LATS1: variants seen among roughly 807,000 people sequenced by gnomAD.
The protein encoded by LATS1 is large tumor suppressor kinase 1.
In LATS1, 25 loss-of-function variants were observed where a neutral mutation model predicts 106.6. That is an observed-to-expected ratio of 0.23 (90% CI 0.17 to 0.33). The LOEUF (loss-of-function observed/expected upper bound fraction) is 0.33, where lower values mean the gene tolerates loss of function less well. Ranked by LOEUF, LATS1 falls within the 10% of genes least tolerant of loss-of-function variation. LATS1 has a pLI of 1.00. For synonymous variants in LATS1, 465 were observed against 455.6 expected (o/e 1.02, Z -0.26); for missense variants, 1,040 against 1,382.6 (o/e 0.75, Z 3.93).
intron 3 of LATS1, among the ~76,000 whole-genome samples, chr6:149,687,514 T>A (rs1782458809): frequency 6.6e-6 from 1 of 152,038 alleles, no homozygotes; most frequent in African/African-American, 2.4e-5. Context: ...ACTGCAGCCT[T>A]GAACCCCTGG....
Position 149,702,213 on chromosome 6 carries a change from C to A in LATS1, c.-87G>T. On this transcript the variant is annotated 5_prime_UTR_variant, in exon 2 of 8. It adds an upstream start codon to the 5' untranslated region. Transcript: ENST00000543571. ...CTTCTGAGCAAAAGTGAAAATGATC[C>A]TTCAAGGAAGTCCCCAGGACTGTTA... is the stretch of plus-strand genomic sequence containing the variant. The A allele has an allele frequency of 1.3e-6, 1 of 796,438 alleles. No individual in the cohort carries two copies. Among genetic ancestry groups the A allele is most frequent in the South Asian group, 1.7e-5 (1 of 57,312 alleles). The allele number at this position is 796,438 out of a possible 1,614,324, so 49.3% of individuals were successfully genotyped here.
chr6:149,684,221 G>T lies in LATS1; in HGVS notation c.868C>A (p.Pro290Thr). ...NMEYVISRIS[P>T]VPPGAWQEGY... is the part of the protein sequence containing the mutation. ...TCTTGCCATGCCCCAGGTGGGACAG[G>T]AGAGATTCGGGAGATTACGTATTCC... Residue 290 changes from proline to threonine, a missense_variant, in exon 4 of 8, where the codon CCT (proline) becomes ACT (threonine). By Grantham distance (38) the Pro-to-Thr change is conservative (BLOSUM62 -1). Coordinates refer to ENST00000543571, the MANE Select transcript of LATS1 (RefSeq NM_004690.4). The T allele has an allele frequency of 3.7e-6, 6 of 1,614,208 alleles. No homozygotes were observed. Among genetic ancestry groups the T allele is most frequent in the Non-Finnish European group, 5.1e-6 (6 of 1,180,040 alleles).
At chr6:149,699,887 A>G (rs937539998) in intron 2 of LATS1, among the ~76,000 whole-genome samples, 3 of 152,184 alleles carry the variant, frequency 2.0e-5, no homozygotes, top group Non-Finnish European at 4.4e-5. Context: ...CTTTATAGCT[A>G]TGTGATTTCA....
In LATS1 at chr6:149,662,214, G is replaced by T; in HGVS notation, c.2908C>A (p.His970Asn). 2 of 1,607,378 alleles carry T rather than the reference G, an allele frequency of 1.2e-6. No homozygotes were observed. The highest frequency in any genetic ancestry group is 1.7e-6 in the Non-Finnish European group (2 of 1,178,030). ...CTGAGTTTAGCTTGTGGTGGAATGT[G>T]AAGAGATGTTTGCCAGTTGATAACC... Reference protein sequence around the residue: ...MKVINWQTSLHIPPQAKLSPE... With the variant: ...MKVINWQTSLNIPPQAKLSPE... Residue 970 changes from histidine to asparagine, a missense_variant, in exon 8 of 8, where the codon CAC becomes AAC. By Grantham distance (68) the His-to-Asn change is moderately conservative. Transcript: ENST00000543571.
chr6:149,702,371 A>G, intron 1 of LATS1, 105 bp from the exon 2 acceptor site: 1 of 363,860 alleles, frequency 2.7e-6, no homozygotes, highest in Non-Finnish European at 4.9e-6. Context: ...TTCAGGTTAT[A>G]GTTCTGACTC....
chr6:149,708,791 T>C (rs1374759360), intron 1 of LATS1, among the ~76,000 whole-genome samples: 1 of 152,134 alleles, frequency 6.6e-6, no homozygotes, highest in Non-Finnish European at 1.5e-5. Context: ...AACATTTCTG[T>C]TGTGTTAAGC....
At chr6:149,695,425 C>A (rs1336662248) in intron 2 of LATS1, among the ~76,000 whole-genome samples, 2 of 152,114 alleles carry the variant, frequency 1.3e-5, no homozygotes, top group African/African-American at 2.4e-5. Context: ...GTGGCTCAAG[C>A]CACTTTGGGA....
chr6:149,704,719 G>GCTCA (rs1003432426), intron 1 of LATS1, among the ~76,000 whole-genome samples: 4 of 151,676 alleles, frequency 2.6e-5, no homozygotes, highest in Non-Finnish European at 5.9e-5. Context: ...GGGTTCAAGT[G>GCTCA]CTCAGGTAAG....
At chr6:149,672,732 G>C (rs1349524694) in intron 7 of LATS1, among the ~76,000 whole-genome samples, 2 of 151,918 alleles carry the variant, frequency 1.3e-5, no homozygotes, top group South Asian at 4.1e-4. Context: ...GACCACCTGA[G>C]GTCAGGAGTT....
At chr6:149,715,216 G>A (rs1246148655) in intron 1 of LATS1, among the ~76,000 whole-genome samples, 2 of 151,960 alleles carry the variant, frequency 1.3e-5, no homozygotes, top group African/African-American at 4.8e-5. Context: ...CTACAGACCC[G>A]CGCTACCACA....
intron 3 of LATS1, among the ~76,000 whole-genome samples, chr6:149,686,426 C>T (rs757480346): frequency 9.2e-5 from 14 of 152,122 alleles, no homozygotes; most frequent in African/African-American, 2.7e-4. Context: ...TGTTGTTCTG[C>T]GCCTCCCACA....
Position 149,672,957 on chromosome 6 carries a change from A to G in LATS1, c.2883+3303T>C, listed in dbSNP as rs114696277. Among the ~76,000 whole-genome samples the G allele has an allele frequency of 1.2e-3, 180 of 152,034 alleles. 1 individual carries two copies. The highest frequency in any genetic ancestry group is 3.4e-3 in the African/African-American group (140 of 41,356). On this transcript the variant is annotated intron_variant, in intron 7 of 7. Transcript: ENST00000543571. ...GAAACTCTGTTTCAAAAAAAACAACAACGAAGAAATGGATAGATTTTATGT... is the reference window on the plus strand; with the variant it reads ...GAAACTCTGTTTCAAAAAAAACAACGACGAAGAAATGGATAGATTTTATGT...
intron 3 of LATS1, among the ~76,000 whole-genome samples, chr6:149,685,065 A>G (rs1253368760): frequency 6.6e-6 from 1 of 151,656 alleles, no homozygotes; most frequent in Non-Finnish European, 1.5e-5. Flanking sequence ...GTGAAACTCC[A>G]TTTCTACTAA....
intron 1 of LATS1, among the ~76,000 whole-genome samples, chr6:149,709,673 T>TGC: frequency 7.1e-6 from 1 of 141,492 alleles, no homozygotes; most frequent in East Asian, 2.1e-4. Flanking sequence ...CTTATCTTTT[T>TGC]TTTTTTTTTT....
rs1284660672 is a variant in LATS1, at chr6:149,683,442, A to C, written c.1647T>G (p.Ala549=). 2 of 1,614,082 alleles carry C rather than the reference A, an allele frequency of 1.2e-6. No homozygotes were observed. The change falls in exon 4 of 8, where the codon GCT becomes GCG. Residue 549 remains alanine, a synonymous_variant. Transcript: ENST00000543571. ...NVTVMPPVAE[A]PNYQGPPPPY... is the part of the protein sequence containing the mutation. ...GTGGTGGTGGTCCTTGATAGTTTGGAGCTTCAGCAACAGGTGGCATCACAG... is the reference window on the plus strand; with the variant it reads ...GTGGTGGTGGTCCTTGATAGTTTGGCGCTTCAGCAACAGGTGGCATCACAG...
At chr6:149,716,436 A>G (rs4870529) in intron 1 of LATS1, 70,335 of 152,122 alleles carry the variant, frequency 0.46, 17,590 homozygotes, top group East Asian at 0.81. Flanking sequence ...GTTCCTACTT[A>G]GCGAAAATGT....
In LATS1 at chr6:149,661,607, A is replaced by G; in HGVS notation, c.*122T>C. ...TTCCCATAATTTAGGAAAATAAAAT[A>G]TTGTACACAGAGCACACATATATAG... On this transcript the variant is annotated 3_prime_UTR_variant, in exon 8 of 8. Coordinates refer to ENST00000543571, the MANE Select transcript of LATS1 (RefSeq NM_004690.4). 1 of 718,046 alleles carries G rather than the reference A, an allele frequency of 1.4e-6. No individual in the cohort carries two copies. Among genetic ancestry groups the G allele is most frequent in the South Asian group, 2.8e-5 (1 of 35,164 alleles). The allele number at this position is 718,046 out of a possible 1,614,324, so 44.5% of individuals were successfully genotyped here. A position where few individuals can be genotyped will look rare whatever the true frequency, so the allele number is the denominator to read the frequency against.
intron 3 of LATS1, among the ~76,000 whole-genome samples, chr6:149,689,065 G>A (rs1354898535): frequency 2.6e-5 from 4 of 152,094 alleles, no homozygotes; most frequent in Non-Finnish European, 5.9e-5. Flanking sequence ...CTACCTGGGA[G>A]GCTGAGGCAG....
In LATS1 at chr6:149,673,921, C is replaced by T. The variant is rs187666199; in HGVS notation, c.2883+2339G>A. ...AACTCCCGACTTCAGGTGATCCACC[C>T]GCCTCAGCCTCCCAAAGTGCTGGGA... On this transcript the variant is annotated intron_variant, in intron 7 of 7. Coordinates refer to ENST00000543571, the MANE Select transcript of LATS1 (RefSeq NM_004690.4). Among the ~76,000 whole-genome samples the T allele has an allele frequency of 1.7e-3, 256 of 150,956 alleles. 5 individuals are homozygous for T. Among genetic ancestry groups the T allele is most frequent in the African/African-American group, 4.9e-3 (199 of 40,988 alleles).
Sources: allele counts gnomAD v4.1 joint callset (sites outside exome capture counted in the v4.1 genomes callset), GRCh38; gene constraint gnomAD v4.1.1; transcripts MANE v1.5; gene names NCBI Gene and HGNC (gene_info 2026-07-23, HGNC 2026-07-21).